SAMSN1: variants seen among roughly 807,000 people sequenced by gnomAD.
The protein encoded by SAMSN1 is SAM domain-containing protein SAMSN-1.
SAMSN1 carries 31 observed loss-of-function variants against 42.0 expected under a neutral mutation model. The ratio of observed to expected loss-of-function variants is 0.74; its 90% confidence interval spans 0.55 to 1.00. SAMSN1 has a LOEUF of 1.00. Among genes scored for constraint, SAMSN1 ranks in the 50% least tolerant of loss-of-function variants. The pLI is 0.00. For synonymous variants in SAMSN1, 178 were observed against 151.9 expected (o/e 1.17, Z -1.26); for missense variants, 464 against 439.4 (o/e 1.06, Z -0.50).
intron 2 of SAMSN1, chr21:14,582,125 T>A (rs1981751701): frequency 2.0e-6 from 3 of 1,535,282 alleles, no homozygotes; most frequent in African/African-American, 1.4e-5. Context: ...TTCCGTAGTC[T>A]GCAAACTTAC....
At chr21:14,495,472 C>T (rs1349608102) in intron 7 of SAMSN1, among the ~76,000 whole-genome samples, 1 of 152,178 alleles carries the variant, frequency 6.6e-6, no homozygotes, top group East Asian at 1.9e-4. Flanking sequence ...TCTAATACTA[C>T]TCTAGACCAT....
At chr21:14,576,464 A>G (rs1454434722) in intron 2 of SAMSN1, among the ~76,000 whole-genome samples, 1 of 152,166 alleles carries the variant, frequency 6.6e-6, no homozygotes, top group Non-Finnish European at 1.5e-5. Context: ...TTCTTGAGAC[A>G]TATTAAAACT....
upstream of SAMSN1, among the ~76,000 whole-genome samples, chr21:14,548,195 T>C (rs1182010521): frequency 6.6e-6 from 1 of 152,160 alleles, no homozygotes; most frequent in Non-Finnish European, 1.5e-5. Flanking sequence ...GTTCAATCAG[T>C]AATAAAATGG....
intron 2 of SAMSN1, among the ~76,000 whole-genome samples, chr21:14,577,251 T>A (rs1483094695): frequency 8.3e-5 from 3 of 36,084 alleles, no homozygotes; most frequent in Non-Finnish European, 1.4e-4. Context: ...TATATATATA[T>A]ATATATATAT....
intron 2 of SAMSN1, among the ~76,000 whole-genome samples, chr21:14,577,713 G>A (rs1003182414): frequency 2.0e-5 from 3 of 152,124 alleles, no homozygotes; most frequent in Admixed American, 1.3e-4. Flanking sequence ...TGGTCACCTC[G>A]ACTATTCCCT....
intron 1 of SAMSN1, among the ~76,000 whole-genome samples, chr21:14,644,837 G>T (rs1983681600): frequency 6.6e-6 from 1 of 151,936 alleles, no homozygotes; most frequent in Admixed American, 6.6e-5. Flanking sequence ...ACAAAAAGCT[G>T]ACTTAAGAGA....
intron 2 of SAMSN1, among the ~76,000 whole-genome samples, chr21:14,626,044 A>G (rs1001794110): frequency 6.6e-6 from 1 of 152,234 alleles, no homozygotes; most frequent in African/African-American, 2.4e-5. Context: ...TTCCCTATTT[A>G]ATAAATGGTG....
chr21:14,493,810 C>T (rs566623650), intron 7 of SAMSN1, among the ~76,000 whole-genome samples: 11 of 152,216 alleles, frequency 7.2e-5, no homozygotes, highest in African/African-American at 2.4e-4. Flanking sequence ...TTGAGGGAAC[C>T]GATGACCTAA....
chr21:14,510,547 C>T, intron 4 of SAMSN1, 86 bp from the exon 5 acceptor site: 1 of 1,437,282 alleles, frequency 7.0e-7, no homozygotes, highest in Non-Finnish European at 9.7e-7. Context: ...ATTGATAATG[C>T]TGGAACACTG....
At chr21:14,528,412 T>C (rs1005380907) in intron 1 of SAMSN1, among the ~76,000 whole-genome samples, 1 of 152,170 alleles carries the variant, frequency 6.6e-6, no homozygotes, top group African/African-American at 2.4e-5. Context: ...CCCAGTTTTA[T>C]GCCTGCCCCA....
intron 7 of SAMSN1, among the ~76,000 whole-genome samples, chr21:14,486,861 G>T (rs773436711): frequency 6.6e-6 from 1 of 152,046 alleles, no homozygotes; most frequent in Admixed American, 6.6e-5. Flanking sequence ...ATATTCAACA[G>T]GCATTATCTT....
At chr21:14,648,726 T>A (rs1983768597) in intron 1 of SAMSN1, among the ~76,000 whole-genome samples, 1 of 151,424 alleles carries the variant, frequency 6.6e-6, no homozygotes, top group Non-Finnish European at 1.5e-5. Flanking sequence ...TGAGATACCA[T>A]CTCACACCAG....
At chr21:14,526,431 G>T (rs1402090799) in intron 1 of SAMSN1, among the ~76,000 whole-genome samples, 1 of 152,046 alleles carries the variant, frequency 6.6e-6, no homozygotes, top group Non-Finnish European at 1.5e-5. Flanking sequence ...GGTCAGCTGG[G>T]GTGTTTGAAC....
At chr21:14,486,698 A>G (rs1405737677) in intron 7 of SAMSN1, among the ~76,000 whole-genome samples, 2 of 152,190 alleles carry the variant, frequency 1.3e-5, no homozygotes, top group African/African-American at 2.4e-5. Flanking sequence ...CAAAATAGGC[A>G]TAAGAAACCA....
chr21:14,595,402 A>G (rs1982228954), intron 6 of SAMSN1, among the ~76,000 whole-genome samples: 2 of 152,122 alleles, frequency 1.3e-5, no homozygotes, highest in African/African-American at 4.8e-5. Context: ...CTCAGCCTCT[A>G]GAGCTGTGGG....
chr21:14,594,105 A>G (rs747479795), intron 6 of SAMSN1: 2 of 673,058 alleles, frequency 3.0e-6, no homozygotes, highest in Admixed American at 4.7e-5. Context: ...GGAAATAGAG[A>G]CAACTAATGT....
intron 5 of SAMSN1, among the ~76,000 whole-genome samples, chr21:14,604,744 T>C (rs1449958311): frequency 6.6e-6 from 1 of 152,236 alleles, no homozygotes; most frequent in East Asian, 1.9e-4. Flanking sequence ...TGTTCTGTAG[T>C]TGGCTGCCCG....
rs9636591 is a variant in SAMSN1 at position 14,656,192 on chromosome 21, T to C, written c.24+2556A>G. Among the ~76,000 whole-genome samples the C allele has an allele frequency of 5.0e-4, 76 of 151,954 alleles. No individual in the cohort carries two copies. The East Asian group carries it at 0.013, about 27-fold the overall frequency. ...GTCAAAATCCCATCAAAGGTATTCA[T>C]ATAATTTGACAATATGAACCTAAGT... On this transcript the variant is annotated intron_variant, in intron 1 of 15. Transcript: ENST00000647101.
chr21:14,508,926 G>A (rs1483820812), intron 5 of SAMSN1, among the ~76,000 whole-genome samples: 2 of 152,018 alleles, frequency 1.3e-5, no homozygotes, highest in South Asian at 4.2e-4. Flanking sequence ...TCAAGAGATC[G>A]AGACCATCCT....
Sources: allele counts gnomAD v4.1 joint callset (sites outside exome capture counted in the v4.1 genomes callset), GRCh38; gene constraint gnomAD v4.1.1; transcripts MANE v1.5; gene names NCBI Gene and HGNC (gene_info 2026-07-23, HGNC 2026-07-21).